Variants in KCNH7 observed in about 807,000 individuals in gnomAD.
KCNH7 encodes potassium voltage-gated channel subfamily H member 7, also known as voltage-gated inwardly rectifying potassium channel KCNH7.
A neutral mutation model predicts 120.8 loss-of-function variants in KCNH7; 49 were observed. That is an observed-to-expected ratio of 0.41 (90% CI 0.32 to 0.51). The LOEUF (loss-of-function observed/expected upper bound fraction) is 0.51. Among genes scored for constraint, KCNH7 ranks in the 20% least tolerant of loss-of-function variants. KCNH7 has a pLI of 0.38. For synonymous variants in KCNH7, 547 were observed against 516.1 expected, an observed-to-expected ratio of 1.06 and a Z score of -0.81; for missense variants, 1,097 against 1,446.6, an observed-to-expected ratio of 0.76 and a Z score of 3.92.
chr2:162,753,054 C>T (rs1044054958), intron 2 of KCNH7, among the ~76,000 whole-genome samples: 1 of 116,500 alleles, frequency 8.6e-6, no homozygotes, highest in Admixed American at 8.7e-5. Flanking sequence ...ATAATCAATC[C>T]TAGTTTGATT....
In KCNH7 at chr2:162,657,507, A is replaced by G. The variant is rs1294633072; in HGVS notation, c.308-120427T>C. ...TCATGGCTGAAAGCTTTTTATTACT[A>G]TTTATTTATTCAGCTTTTTATTGCT... On this transcript the variant is annotated intron_variant, in intron 2 of 15. Transcript: ENST00000332142. Among the ~76,000 whole-genome samples the G allele has an allele frequency of 2.0e-5, 3 of 152,144 alleles. No individual in the cohort carries two copies. The East Asian group carries it at 5.8e-4, about 29-fold the overall frequency.
intron 2 of KCNH7, among the ~76,000 whole-genome samples, chr2:162,717,078 A>C (rs948336622): frequency 3.9e-5 from 6 of 152,100 alleles, no homozygotes; most frequent in African/African-American, 1.4e-4. Context: ...GAAAGAAATA[A>C]CTGCATGGGA....
At chr2:162,640,655 G>C (rs950327538) in intron 2 of KCNH7, among the ~76,000 whole-genome samples, 5 of 152,056 alleles carry the variant, frequency 3.3e-5, no homozygotes, top group Admixed American at 2.6e-4. Flanking sequence ...ATAATTCTTA[G>C]ACTTGACACC....
chr2:162,703,370 G>A (rs186698160), intron 2 of KCNH7, among the ~76,000 whole-genome samples: 5 of 152,080 alleles, frequency 3.3e-5, no homozygotes, highest in African/African-American at 1.2e-4. Context: ...GTATAACAGG[G>A]TATAATAACA....
intron 8 of KCNH7, among the ~76,000 whole-genome samples, chr2:162,428,964 G>T (rs190149170): frequency 3.2e-4 from 49 of 151,866 alleles, no homozygotes; most frequent in Non-Finnish European, 6.2e-4. Context: ...CCATTTCAAT[G>T]AAAGCATTTA....
At chr2:162,619,031 C>T (rs1683245839) in intron 2 of KCNH7, among the ~76,000 whole-genome samples, 1 of 152,004 alleles carries the variant, frequency 6.6e-6, no homozygotes, top group Admixed American at 6.6e-5. Flanking sequence ...AAGTTGGTGC[C>T]CTGAAGAAAA....
At position 162,827,612 on chromosome 2, in the gene KCNH7, C is replaced by T. The variant is rs563692254; in HGVS notation, c.307+8925G>A. On this transcript the variant is annotated intron_variant, in intron 2 of 15. Coordinates refer to ENST00000332142, the MANE Select transcript of KCNH7 (RefSeq NM_033272.4). Reference sequence around the variant, plus strand: ...ACTCTTTGATGTGAATTAAGTTAACCAGATTTAAACCTTGGATAATCAATA... The same window carrying T: ...ACTCTTTGATGTGAATTAAGTTAACTAGATTTAAACCTTGGATAATCAATA... Among the ~76,000 whole-genome samples, 82 of 152,114 alleles carry T rather than the reference C, an allele frequency of 5.4e-4. No homozygotes were observed. The South Asian group carries it at 8.9e-3, about 17-fold the overall frequency.
intron 8 of KCNH7, among the ~76,000 whole-genome samples, chr2:162,427,492 CAT>C (rs1687904780): frequency 6.6e-6 from 1 of 151,892 alleles, no homozygotes; most frequent in Non-Finnish European, 1.5e-5. Context: ...ATTCATCATT[CAT>C]ATATATTTTG....
At chr2:162,654,036 G>C (rs1244700672) in intron 2 of KCNH7, among the ~76,000 whole-genome samples, 4 of 149,346 alleles carry the variant, frequency 2.7e-5, no homozygotes, top group Non-Finnish European at 5.9e-5. Context: ...TGGAACTCTA[G>C]AACTACCGGA....
intron 12 of KCNH7, among the ~76,000 whole-genome samples, chr2:162,386,819 A>C (rs573295686): frequency 6.6e-6 from 1 of 151,758 alleles, no homozygotes; most frequent in East Asian, 1.9e-4. Context: ...TGTTTTACCT[A>C]CCATGCTGGG....
At chr2:162,684,466 T>C (rs1313215274) in intron 2 of KCNH7, among the ~76,000 whole-genome samples, 1 of 152,228 alleles carries the variant, frequency 6.6e-6, no homozygotes, top group East Asian at 1.9e-4. Flanking sequence ...AAAGGGCTAA[T>C]ATCCAGAATC....
chr2:162,538,208 T>C (rs1420468274), intron 2 of KCNH7: 1 of 152,120 alleles, frequency 6.6e-6, no homozygotes, highest in Non-Finnish European at 1.5e-5. Flanking sequence ...TCTTAAAACA[T>C]TGAGCATATT....
At chr2:162,414,832 T>C (rs530489466) in intron 9 of KCNH7, among the ~76,000 whole-genome samples, 1 of 152,172 alleles carries the variant, frequency 6.6e-6, no homozygotes, top group South Asian at 2.1e-4. Context: ...AATTTGTGTA[T>C]ATGAGAAGGC....
intron 2 of KCNH7, among the ~76,000 whole-genome samples, chr2:162,681,628 AT>A (rs1342126523): frequency 6.6e-6 from 1 of 151,712 alleles, no homozygotes; most frequent in Admixed American, 6.6e-5. Context: ...ACCAAAAAAA[AT>A]CACCCCATTA....
chr2:162,540,093 A>C (rs145068417), intron 2 of KCNH7, among the ~76,000 whole-genome samples: 18 of 149,886 alleles, frequency 1.2e-4, no homozygotes, highest in South Asian at 6.3e-4. Flanking sequence ...AGCAATGAAG[A>C]AAAAAAAATA....
At chr2:162,448,619 C>T (rs1688666097) in intron 6 of KCNH7, among the ~76,000 whole-genome samples, 1 of 152,118 alleles carries the variant, frequency 6.6e-6, no homozygotes, top group South Asian at 2.1e-4. Context: ...TGACAAACTT[C>T]CGATACTAAC....
intron 2 of KCNH7, among the ~76,000 whole-genome samples, chr2:162,768,205 A>G (rs568069947): frequency 6.6e-6 from 1 of 152,336 alleles, no homozygotes; most frequent in Admixed American, 6.5e-5. Flanking sequence ...CAGTACAAGC[A>G]ATTAGTAAAT....
At chr2:162,788,053 A>T (rs1453702425) in intron 2 of KCNH7, among the ~76,000 whole-genome samples, 1 of 149,392 alleles carries the variant, frequency 6.7e-6, no homozygotes. Context: ...ATAAGATACC[A>T]AGGGGAGACC....
rs1559110389 is a variant in KCNH7 at position 162,741,286 on chromosome 2, T to TACATATTAATAACATATGTTATTAGTTAC, written c.307+95250_307+95251insGTAACTAATAACATATGTTATTAATATGT. On this transcript the variant is annotated intron_variant, in intron 2 of 15. Coordinates refer to ENST00000332142, the MANE Select transcript of KCNH7 (RefSeq NM_033272.4). Reference sequence around the variant, plus strand: ...TATTAATAACATATGTTATTAGTTATACATATTAATAACATATGTTATTAA... The same window carrying TACATATTAATAACATATGTTATTAGTTAC: ...TATTAATAACATATGTTATTAGTTATACATATTAATAACATATGTTATTAGTTACACATATTAATAACATATGTTATTAA... Among the ~76,000 whole-genome samples, 54 of 144,384 alleles carry TACATATTAATAACATATGTTATTAGTTAC rather than the reference T, an allele frequency of 3.7e-4. 1 individual carries two copies. The highest frequency in any genetic ancestry group is 1.1e-3 in the African/African-American group (43 of 38,792). The allele number at this position is 144,384 out of a possible 152,430, so 94.7% of individuals were successfully genotyped here.
Sources: gnomAD v4.1 joint callset for allele counts (sites outside exome capture counted in the v4.1 genomes callset) on GRCh38, gnomAD v4.1.1 for gene constraint, MANE v1.5 for transcripts, NCBI Gene and HGNC (gene_info 2026-07-23, HGNC 2026-07-21) for gene names.